The following PTCHD4 variants were observed in gnomAD, a reference collection of about 807,000 sequenced individuals.
The protein encoded by PTCHD4 is patched domain containing 4, also known as patched domain-containing protein 4.
PTCHD4 carries 33 observed loss-of-function variants against 58.1 expected under a neutral mutation model. That is an observed-to-expected ratio of 0.57 (90% confidence interval 0.43 to 0.76). The LOEUF (loss-of-function observed/expected upper bound fraction) is 0.76. Among genes scored for constraint, PTCHD4 ranks in the 30% least tolerant of loss-of-function variants. PTCHD4 has a pLI of 0.00. For synonymous variants in PTCHD4, 478 were observed against 409.6 expected (o/e 1.17, Z -2.02); for missense variants, 1,058 against 1,027.1 (o/e 1.03, Z -0.41).
chr6:47,893,770 A>G lies in PTCHD4; in HGVS notation c.899-13834T>C, dbSNP rs544465959. Among the ~76,000 whole-genome samples, 59 of 152,354 alleles carry G rather than the reference A, an allele frequency of 3.9e-4. 1 individual carries two copies. The South Asian group carries it at 0.012, about 31-fold the overall frequency. On this transcript the variant is annotated intron_variant, in intron 4 of 4. Coordinates refer to ENST00000339488, the MANE Select transcript of PTCHD4 (RefSeq NM_001384253.1). ...ATTATATAGTTGTAGCAGCATAGGA[A>G]TTTAAGTTGAATGTGTACCAGGCCT...
chr6:48,008,850 T>G lies in PTCHD4; in HGVS notation c.682A>C (p.Ile228Leu), dbSNP rs1313510414. ...ACCAGGACCTTGCTTCTGGCCAGGA[T>G]GCTGGTCTTATGAAAGTCCCTCCAG... is the stretch of plus-strand genomic sequence containing the variant. ...SLWRDFHKTSILARSKVLVSL... is the reference protein window; with the variant it reads ...SLWRDFHKTSLLARSKVLVSL... The change falls in exon 4 of 5, where the codon ATC becomes CTC. Residue 228 changes from isoleucine (I) to leucine (L), a missense_variant. Physicochemically the swap from Ile to Leu is conservative, Grantham distance 5. Transcript: ENST00000339488. The G allele has an allele frequency of 6.2e-7, 1 of 1,613,912 alleles. No homozygotes were observed. The highest frequency in any genetic ancestry group is 8.5e-7 in the Non-Finnish European group (1 of 1,179,910).
chr6:48,030,721 T>G (rs994534747), intron 3 of PTCHD4, among the ~76,000 whole-genome samples: 4 of 152,242 alleles, frequency 2.6e-5, no homozygotes, highest in African/African-American at 9.6e-5. Flanking sequence ...CACCATCTAA[T>G]AAAATAAGTT....
At chr6:48,078,968 A>C (rs1411482440) in intron 1 of PTCHD4, among the ~76,000 whole-genome samples, 1 of 151,944 alleles carries the variant, frequency 6.6e-6, no homozygotes, top group Admixed American at 6.6e-5. Flanking sequence ...AAATACAAAA[A>C]ATTAGCCGGG....
intron 4 of PTCHD4, among the ~76,000 whole-genome samples, chr6:47,947,945 C>A: frequency 6.6e-6 from 1 of 152,080 alleles, no homozygotes; most frequent in Non-Finnish European, 1.5e-5. Flanking sequence ...GTCCCTTAGC[C>A]TCTCTTTCAT....
In PTCHD4 at chr6:48,065,834, T is replaced by A. The variant is rs369578589; in HGVS notation, c.417+2396A>T. Among the ~76,000 whole-genome samples, 223 of 152,342 alleles carry A rather than the reference T, an allele frequency of 1.5e-3. 4 individuals carry two copies. In the South Asian group the frequency reaches 0.044, roughly 30 times the overall value. On this transcript the variant is annotated intron_variant, in intron 3 of 4. Transcript: ENST00000339488. Reference sequence around the variant, plus strand: ...CATTTGAGGAAACATTGATAGATACTAGAATATTGTGGAATAAGAACTTTA... The same window carrying A: ...CATTTGAGGAAACATTGATAGATACAAGAATATTGTGGAATAAGAACTTTA...
chr6:48,023,510 C>T (rs992621522), intron 3 of PTCHD4, among the ~76,000 whole-genome samples: 3 of 152,144 alleles, frequency 2.0e-5, no homozygotes, highest in Non-Finnish European at 4.4e-5. Context: ...TAACTGCCAC[C>T]ACTACATAAG....
At chr6:47,892,704 C>G (rs1764417090) in intron 4 of PTCHD4, among the ~76,000 whole-genome samples, 1 of 152,234 alleles carries the variant, frequency 6.6e-6, no homozygotes, top group South Asian at 2.1e-4. Flanking sequence ...TTGATTTCTA[C>G]TAAATATGAT....
intron 3 of PTCHD4, among the ~76,000 whole-genome samples, chr6:48,030,889 G>A (rs1380041281): frequency 6.6e-6 from 1 of 151,972 alleles, no homozygotes; most frequent in East Asian, 1.9e-4. Flanking sequence ...CTGACTGCTT[G>A]TACCATCCAG....
chr6:48,068,684 G>T lies in PTCHD4; in HGVS notation c.6-43C>A. On this transcript the variant is annotated intron_variant, in intron 2 of 4. Coordinates refer to ENST00000339488, the MANE Select transcript of PTCHD4 (RefSeq NM_001384253.1). This position sits in a 1 kb window ranked among gnomAD's most constrained non-coding sequence, Gnocchi z 4.2. ...ACATGTGTAAGCGCCGGGCTACCCC[G>T]TTCTCCCCCATCCCACCCCCTGGGG... 2 of 1,499,334 alleles carry T rather than the reference G, an allele frequency of 1.3e-6. No individual in the cohort carries two copies. Among genetic ancestry groups the T allele is most frequent in the Non-Finnish European group, 1.8e-6 (2 of 1,127,392 alleles). 92.9% of individuals were successfully genotyped at this position (1,499,334 alleles called of 1,614,324 possible).
chr6:48,007,072 C>T (rs964950114), intron 4 of PTCHD4, among the ~76,000 whole-genome samples: 3 of 152,190 alleles, frequency 2.0e-5, no homozygotes, highest in Admixed American at 2.0e-4. Context: ...AACCTCGTCT[C>T]TACTAAAAAT....
At chr6:48,015,307 T>C (rs1256933652) in intron 3 of PTCHD4, among the ~76,000 whole-genome samples, 3 of 151,832 alleles carry the variant, frequency 2.0e-5, no homozygotes, top group South Asian at 2.1e-4. Context: ...ATTTGTACAA[T>C]TTAAATGAGA....
At chr6:47,880,079 G>A in intron 4 of PTCHD4, 143 bp from the exon 5 acceptor site, 2 of 660,710 alleles carry the variant, frequency 3.0e-6, no homozygotes, top group South Asian at 2.7e-5. Context: ...GGCCTCAAAA[G>A]TTGAGTTATG....
chr6:47,921,755 C>T (rs563811461), intron 4 of PTCHD4, among the ~76,000 whole-genome samples: 1 of 152,136 alleles, frequency 6.6e-6, no homozygotes, highest in South Asian at 2.1e-4. Flanking sequence ...GTCACTATGC[C>T]AGCCTTGGAC....
chr6:48,028,702 G>T (rs530917397), intron 3 of PTCHD4, among the ~76,000 whole-genome samples: 1 of 151,748 alleles, frequency 6.6e-6, no homozygotes, highest in East Asian at 1.9e-4. Flanking sequence ...CCCTTGCTTT[G>T]TGTCAACCTT....
intron 4 of PTCHD4, among the ~76,000 whole-genome samples, chr6:47,929,529 A>C (rs547700140): frequency 2.0e-5 from 3 of 152,238 alleles, no homozygotes; most frequent in Non-Finnish European, 1.5e-5. Flanking sequence ...TAGTCCTTTC[A>C]TCTTGCAGTA....
intron 3 of PTCHD4, among the ~76,000 whole-genome samples, chr6:48,011,903 G>A (rs2114091700): frequency 6.6e-6 from 1 of 152,222 alleles, no homozygotes. Flanking sequence ...CATTATTTCT[G>A]AGGCCTCTGT....
chr6:47,929,119 T>C (rs763531053), intron 4 of PTCHD4, among the ~76,000 whole-genome samples: 4 of 152,036 alleles, frequency 2.6e-5, no homozygotes, highest in Non-Finnish European at 5.9e-5. Flanking sequence ...AGACATCCTA[T>C]CAAATATTAT....
At chr6:47,914,276 G>A (rs1765160483) in intron 4 of PTCHD4, among the ~76,000 whole-genome samples, 1 of 152,100 alleles carries the variant, frequency 6.6e-6, no homozygotes, top group Non-Finnish European at 1.5e-5. Context: ...GCTGCAGGAT[G>A]TGCAGGAGTT....
intron 3 of PTCHD4, among the ~76,000 whole-genome samples, chr6:48,046,023 C>T (rs1764024951): frequency 6.6e-6 from 1 of 151,720 alleles, no homozygotes; most frequent in South Asian, 2.1e-4. Flanking sequence ...AGCTTCTTTA[C>T]TTAACAATTT....
Sources: allele counts gnomAD v4.1 joint callset (sites outside exome capture counted in the v4.1 genomes callset), GRCh38; gene constraint gnomAD v4.1.1; non-coding constraint Gnocchi (gnomAD v3.1); transcripts MANE v1.5; gene names NCBI Gene and HGNC (gene_info 2026-07-23, HGNC 2026-07-21).